RPS6KA5: variants seen among roughly 807,000 people sequenced by gnomAD.
RPS6KA5 encodes the protein ribosomal protein S6 kinase A5, also known as ribosomal protein S6 kinase alpha-5.
A neutral mutation model predicts 85.5 loss-of-function variants in RPS6KA5; 27 were observed. The ratio of observed to expected loss-of-function variants is 0.32; its 90% CI spans 0.23 to 0.44. The LOEUF (loss-of-function observed/expected upper bound fraction) is 0.44, where lower values mean the gene tolerates loss of function less well. Ranked by LOEUF, RPS6KA5 falls within the 20% of genes least tolerant of loss-of-function variation. RPS6KA5 has a pLI of 1.00. For missense variants in RPS6KA5, 811 were observed against 980.9 expected (o/e 0.83, Z 2.31); for synonymous variants, 334 against 348.2 (o/e 0.96, Z 0.46).
chr14:90,921,936 A>T (rs1269044217), intron 6 of RPS6KA5, among the ~76,000 whole-genome samples: 1 of 152,048 alleles, frequency 6.6e-6, no homozygotes, highest in Admixed American at 6.6e-5. Flanking sequence ...TTTAATACAG[A>T]AAAAAAACCA....
chr14:90,893,941 A>AT (rs1486855546), intron 13 of RPS6KA5: 4 of 796,728 alleles, frequency 5.0e-6, no homozygotes, highest in Non-Finnish European at 6.1e-6. Flanking sequence ...GAAAGACGGC[A>AT]TAACTAATTA....
intron 1 of RPS6KA5, among the ~76,000 whole-genome samples, chr14:91,031,612 T>C (rs761414238): frequency 2.0e-5 from 3 of 152,050 alleles, no homozygotes; most frequent in Non-Finnish European, 4.4e-5. Flanking sequence ...AAGTATTTTA[T>C]AAAGCTGTTA....
At chr14:90,886,112 T>C (rs980004115) in intron 14 of RPS6KA5, among the ~76,000 whole-genome samples, 1 of 152,076 alleles carries the variant, frequency 6.6e-6, no homozygotes. Context: ...ATGTATTATA[T>C]ATACTCATAT....
chr14:90,900,588 T>C lies in RPS6KA5; in HGVS notation c.1245+23A>G, dbSNP rs559187588. ...ACTCACAAAACCTACAAATATGTCA[T>C]ATAAGTTACCACATCTATATACCTT... is the stretch of plus-strand genomic sequence containing the variant. On this transcript the variant is annotated intron_variant, in intron 10 of 16. Coordinates refer to ENST00000614987, the MANE Select transcript of RPS6KA5 (RefSeq NM_004755.4). The C allele has an allele frequency of 5.6e-6, 9 of 1,604,098 alleles. No individual in the cohort carries two copies. The African/African-American group carries it at 1.2e-4, about 21-fold the overall frequency.
chr14:91,019,837 T>G (rs916413691), intron 1 of RPS6KA5, among the ~76,000 whole-genome samples: 1 of 152,206 alleles, frequency 6.6e-6, no homozygotes, highest in African/African-American at 2.4e-5. Flanking sequence ...CATACAGTCA[T>G]GCATCACTTA....
chr14:90,925,615 T>C (rs1296301817), intron 5 of RPS6KA5, among the ~76,000 whole-genome samples: 1 of 152,010 alleles, frequency 6.6e-6, no homozygotes, highest in African/African-American at 2.4e-5. Context: ...TGTCTTGATA[T>C]TACTAAATAA....
At position 91,048,374 on chromosome 14, in the gene RPS6KA5, A is replaced by G. The variant is rs140607103; in HGVS notation, c.103+11958T>C. 5.6e-4 allele frequency among the ~76,000 whole-genome samples: 86 copies of G among 152,350 alleles called. 2 individuals carry two copies. The East Asian group carries it at 0.016, about 28-fold the overall frequency. On this transcript the variant is annotated intron_variant, in intron 1 of 16. Coordinates refer to ENST00000614987, the MANE Select transcript of RPS6KA5 (RefSeq NM_004755.4). ...ACACTGACTATATAAAAAGAAGCAC[A>G]CCTACACAAAAACTTGAGTGTGAAA...
intron 15 of RPS6KA5, among the ~76,000 whole-genome samples, chr14:90,874,921 T>C (rs1413626898): frequency 1.3e-5 from 2 of 152,010 alleles, no homozygotes; most frequent in African/African-American, 2.4e-5. Flanking sequence ...AGGAGGAGCG[T>C]GTTTGGGGGG....
chr14:90,934,792 C>G (rs1284715911), intron 5 of RPS6KA5, among the ~76,000 whole-genome samples: 1 of 152,046 alleles, frequency 6.6e-6, no homozygotes, highest in African/African-American at 2.4e-5. Context: ...GGAGGGGAAT[C>G]AAAGGTCTGC....
chr14:91,004,288 T>C (rs1406515056), intron 1 of RPS6KA5, among the ~76,000 whole-genome samples: 1 of 152,044 alleles, frequency 6.6e-6, no homozygotes. Context: ...GGTTTCACCG[T>C]GTTAGATCTC....
At chr14:90,922,471 G>T (rs572993818) in intron 6 of RPS6KA5, among the ~76,000 whole-genome samples, 1 of 152,114 alleles carries the variant, frequency 6.6e-6, no homozygotes, top group Middle Eastern at 3.2e-3. Flanking sequence ...CTTTTGAGTC[G>T]TTGTCTCACT....
At chr14:91,047,867 A>G (rs2042936610) in intron 1 of RPS6KA5, among the ~76,000 whole-genome samples, 1 of 152,150 alleles carries the variant, frequency 6.6e-6, no homozygotes, top group African/African-American at 2.4e-5. Flanking sequence ...CAGCAATGGC[A>G]TCACTGATCT....
intron 3 of RPS6KA5, among the ~76,000 whole-genome samples, chr14:90,972,591 C>T (rs1345925295): frequency 6.6e-6 from 1 of 152,176 alleles, no homozygotes; most frequent in Non-Finnish European, 1.5e-5. Context: ...TGTCATACGC[C>T]ATCCACATGG....
chr14:90,920,749 T>C (rs1235770720), intron 6 of RPS6KA5, among the ~76,000 whole-genome samples: 1 of 151,888 alleles, frequency 6.6e-6, no homozygotes, highest in African/African-American at 2.4e-5. Context: ...ATTTTTCTTA[T>C]AGAACCTATC....
chr14:90,989,030 T>C (rs1489188415), intron 2 of RPS6KA5, among the ~76,000 whole-genome samples: 1 of 152,162 alleles, frequency 6.6e-6, no homozygotes, highest in Non-Finnish European at 1.5e-5. Context: ...TAAGTGACTA[T>C]ATAAAATAAT....
At chr14:91,034,906 T>C (rs953907950) in intron 1 of RPS6KA5, among the ~76,000 whole-genome samples, 1 of 151,576 alleles carries the variant, frequency 6.6e-6, no homozygotes, top group Non-Finnish European at 1.5e-5. Context: ...AGTGGGCACA[T>C]AGTATGTACC....
intron 1 of RPS6KA5, among the ~76,000 whole-genome samples, chr14:91,035,670 C>A (rs1038219440): frequency 4.0e-5 from 6 of 151,612 alleles, no homozygotes; most frequent in Non-Finnish European, 4.4e-5. Context: ...ATACCAAACC[C>A]ATCTCCTCCC....
intron 3 of RPS6KA5, among the ~76,000 whole-genome samples, chr14:90,971,654 T>C (rs1358331649): frequency 1.3e-5 from 2 of 152,190 alleles, no homozygotes; most frequent in Non-Finnish European, 2.9e-5. Context: ...GAGAAGCCTG[T>C]GCAAACAAGG....
intron 3 of RPS6KA5, among the ~76,000 whole-genome samples, chr14:90,954,527 C>T (rs191521868): frequency 2.0e-5 from 3 of 152,310 alleles, no homozygotes; most frequent in Admixed American, 1.3e-4. Flanking sequence ...GATTCTCCTG[C>T]CTCAGCATCC....
Sources: gnomAD v4.1 joint callset for allele counts (sites outside exome capture counted in the v4.1 genomes callset) on GRCh38, gnomAD v4.1.1 for gene constraint, MANE v1.5 for transcripts, NCBI Gene and HGNC (gene_info 2026-07-23, HGNC 2026-07-21) for gene names.